Variants in CDK11A observed in about 807,000 individuals in gnomAD.
CDK11A encodes cyclin-dependent kinase 11A.
Under a neutral mutation model 83.6 loss-of-function variants are expected in CDK11A, and 55 were observed. That is an observed-to-expected ratio of 0.66 (90% CI 0.53 to 0.82). The LOEUF (loss-of-function observed/expected upper bound fraction) is 0.82. CDK11A is among the 40% of genes least tolerant of loss of function. The pLI is 0.00. For synonymous variants in CDK11A, 247 were observed against 302.7 expected (o/e 0.82, Z 1.91); for missense variants, 564 against 810.1 (o/e 0.70, Z 3.69).
Position 1,708,233 on chromosome 1 carries a change from T to C in CDK11A, c.1016A>G (p.Glu339Gly). Reference protein sequence around the residue: ...ASEQSAEEVSEEEMSEDEERE... With the variant: ...ASEQSAEEVSGEEMSEDEERE... ...TTCTTCATCTTCACTCATTTCTTCC[T>C]CACTTACTTCTTCTGCAAGAGAAAG... Residue 339 changes from glutamate to glycine, a missense_variant, in exon 10 of 20, where the codon GAG becomes GGG. Physicochemically the swap from Glu to Gly is moderately conservative, Grantham distance 98. Transcript: ENST00000404249. 8 of 1,548,888 alleles carry C rather than the reference T, an allele frequency of 5.2e-6. 1 individual carries two copies. In the South Asian group the frequency reaches 9.2e-5, roughly 18 times the overall value.
In CDK11A at chr1:1,716,569, T is replaced by A. The variant is rs983973069; in HGVS notation, c.356-91A>T. ...TGGCTTACGCCTGTAATCCCAGCAC[T>A]TTGGGAGGCCGAGGCGGGTGGATCA... On this transcript the variant is annotated intron_variant, in intron 4 of 19. Coordinates refer to ENST00000404249, the MANE Select transcript of CDK11A (RefSeq NM_024011.4). 87 of 1,385,156 alleles carry A rather than the reference T, an allele frequency of 6.3e-5. 1 individual carries two copies. The highest frequency in any genetic ancestry group is 9.6e-5 in the Admixed American group (5 of 52,086). The allele number at this position is 1,385,156 out of a possible 1,614,324, so 85.8% of individuals were successfully genotyped here. A position where few individuals can be genotyped will look rare whatever the true frequency, so the allele number is the denominator to read the frequency against.
intron 2 of CDK11A, among the ~76,000 whole-genome samples, chr1:1,722,049 G>A (rs1218964763): frequency 8.6e-5 from 13 of 150,968 alleles, no homozygotes; most frequent in African/African-American, 2.4e-4. Flanking sequence ...TACTCAGGAA[G>A]CTGAGGTAGG....
In CDK11A at chr1:1,703,817, G is replaced by A. The variant is rs1344124886; in HGVS notation, c.1911+7C>T. Reference sequence around the variant, plus strand: ...CCATAGCGCACCTGCGGCAGGGCCAGACCCACCTTGAACACTTTGTTGATC... The same window carrying A: ...CCATAGCGCACCTGCGGCAGGGCCAAACCCACCTTGAACACTTTGTTGATC... On this transcript the variant is annotated splice_region_variant and intron_variant, in intron 17 of 19. Coordinates refer to ENST00000404249, the MANE Select transcript of CDK11A (RefSeq NM_024011.4). 1.9e-6 allele frequency: 3 copies of A among 1,609,458 alleles called. No homozygotes were observed. Among genetic ancestry groups the A allele is most frequent in the East Asian group, 2.2e-5 (1 of 44,812 alleles).
At position 1,721,751 on chromosome 1, in the gene CDK11A, T is replaced by A. The variant is rs1570441941; in HGVS notation, c.112-40A>T. 6.1e-6 allele frequency: 9 copies of A among 1,470,730 alleles called. 1 individual carries two copies. The South Asian group carries it at 6.3e-5, about 10-fold the overall frequency. The allele number at this position is 1,470,730 out of a possible 1,614,324, so 91.1% of individuals were successfully genotyped here. Reference sequence around the variant, plus strand: ...GAAAGTTAATCATTTTCTTTATAAGTTTTTTTTTCTTCATAGATAAAAGTA... The same window carrying A: ...GAAAGTTAATCATTTTCTTTATAAGATTTTTTTTCTTCATAGATAAAAGTA... On this transcript the variant is annotated intron_variant, in intron 2 of 19. Transcript: ENST00000404249.
intron 4 of CDK11A, 122 bp downstream of exon 4, chr1:1,719,206 T>G: frequency 1.1e-6 from 1 of 882,474 alleles, no homozygotes; most frequent in Non-Finnish European, 1.6e-6. Context: ...GACACCATTA[T>G]GCTTTCAGCT....
chr1:1,704,438 C>G, intron 14 of CDK11A, 94 bp from the exon 15 acceptor site: 1 of 1,552,780 alleles, frequency 6.4e-7, no homozygotes, highest in South Asian at 1.2e-5. Flanking sequence ...AGAGGCTTCT[C>G]AGGGCTTTCC....
In CDK11A at chr1:1,708,855, TTCC is replaced by T. The variant is rs199942750; in HGVS notation, c.939_941del (p.Glu321del). 267 of 1,186,856 alleles carry T rather than the reference TTCC, an allele frequency of 2.2e-4. No individual in the cohort carries two copies. The highest frequency in any genetic ancestry group is 8.0e-4 in the African/African-American group (52 of 64,734). 73.5% of individuals were successfully genotyped at this position (1,186,856 alleles called of 1,614,324 possible). A position where few individuals can be genotyped will look rare whatever the true frequency, so the allele number is the denominator to read the frequency against. On this transcript the variant is annotated inframe_deletion, in exon 9 of 20. Transcript: ENST00000404249. Reference sequence around the variant, plus strand: ...CGGTCTCCTCCTCCTCCTCTTCCTCTTCCTCCTCCTCCTCCTCTGATTCTTCAC... The same window carrying T: ...CGGTCTCCTCCTCCTCCTCTTCCTCTTCCTCCTCCTCCTCTGATTCTTCAC...
At chr1:1,715,725 T>TGTG (rs1488585305) in intron 5 of CDK11A, among the ~76,000 whole-genome samples, 1,090 of 149,222 alleles carry the variant, frequency 7.3e-3, no homozygotes, top group African/African-American at 0.027. Flanking sequence ...GCAAGCTTTC[T>TGTG]GTGGACTCAC....
At chr1:1,719,144 G>T in intron 4 of CDK11A, 184 bp downstream of exon 4, 1 of 435,560 alleles carries the variant, frequency 2.3e-6, no homozygotes. Context: ...AATGGTCTGT[G>T]ACACATGCAT....
At chr1:1,705,139 G>A in intron 12 of CDK11A, 114 bp from the exon 13 acceptor site, 1 of 1,414,160 alleles carries the variant, frequency 7.1e-7, no homozygotes, top group Non-Finnish European at 9.3e-7. Flanking sequence ...TTTCACGGAG[G>A]GGGGTCTCGT....
At chr1:1,719,535 C>T (rs918092453) in intron 3 of CDK11A, 80 bp from the exon 4 acceptor site, 6 of 1,167,266 alleles carry the variant, frequency 5.1e-6, no homozygotes, top group African/African-American at 1.6e-5. Flanking sequence ...TTTTTTCAAC[C>T]CAGAAAAATG....
At chr1:1,707,368 G>A (rs775655891) in intron 11 of CDK11A, 41 bp downstream of exon 11, 13 of 1,595,876 alleles carry the variant, frequency 8.1e-6, no homozygotes, top group South Asian at 4.5e-5. Flanking sequence ...AACTCCGACT[G>A]CCAATGCGGA....
chr1:1,714,962 G>T (rs1570408930), intron 5 of CDK11A, among the ~76,000 whole-genome samples: 1 of 150,258 alleles, frequency 6.7e-6, no homozygotes, highest in East Asian at 2.0e-4. Context: ...GAGGATGCTG[G>T]TGGGCAAGGC....
chr1:1,704,995 A>G lies in CDK11A; in HGVS notation c.1367T>C (p.Met456Thr), dbSNP rs557274278. ...DEIVALKRLKMEKEKEGFPIT... is the reference protein window; with the variant it reads ...DEIVALKRLKTEKEKEGFPIT... ...CGGGAAGCCCTCCTTCTCCTTCTCC[A>G]TCTTCAGCCGCTTTAGAGCCACAAT... Residue 456 changes from methionine (M) to threonine (T), a missense_variant, in exon 13 of 20, where the codon ATG becomes ACG. Transcript: ENST00000404249. 1.9e-5 allele frequency: 30 copies of G among 1,597,938 alleles called. 1 individual carries two copies. The South Asian group carries it at 2.8e-4, about 15-fold the overall frequency.
chr1:1,721,934 G>A (rs1256236588), intron 2 of CDK11A: 15 of 471,678 alleles, frequency 3.2e-5, no homozygotes, highest in South Asian at 2.2e-4. Flanking sequence ...GGTGGATCAC[G>A]AGGTCAGGAC....
chr1:1,715,876 A>C (rs1478646415), intron 5 of CDK11A, among the ~76,000 whole-genome samples: 1 of 150,952 alleles, frequency 6.6e-6, no homozygotes. Flanking sequence ...AATGGCCAGG[A>C]GTCCTAGGAG....
Position 1,703,155 on chromosome 1 carries a change from G to A in CDK11A, c.2175C>T (p.Ala725=). ...GCTTCACACGCTGCTGCTCGCTCTT[G>A]GCGGGCCACGTGGGGAACATGGAGG... The part of the protein sequence containing the change: ...IDPSMFPTWP[A]KSEQQRVKRG... Residue 725 remains alanine, a synonymous_variant, in exon 19 of 20, where the codon GCC becomes GCT. Coordinates refer to ENST00000404249, the MANE Select transcript of CDK11A (RefSeq NM_024011.4). The A allele has an allele frequency of 2.4e-6, 1 of 411,980 alleles. No individual in the cohort carries two copies. Among genetic ancestry groups the A allele is most frequent in the Non-Finnish European group, 4.1e-6 (1 of 246,304 alleles). 25.5% of individuals were successfully genotyped at this position (411,980 alleles called of 1,614,324 possible). A position where few individuals can be genotyped will look rare whatever the true frequency, so the allele number is the denominator to read the frequency against.
chr1:1,716,019 C>G (rs1557793273), intron 5 of CDK11A, among the ~76,000 whole-genome samples: 1 of 150,822 alleles, frequency 6.6e-6, no homozygotes, highest in Non-Finnish European at 1.5e-5. Flanking sequence ...CTTGACCTCC[C>G]AGGCTCAAGG....
chr1:1,703,299 G>C (rs1394317607), intron 18 of CDK11A, 30 bp from the exon 19 acceptor site: 21 of 533,216 alleles, frequency 3.9e-5, no homozygotes, highest in Non-Finnish European at 5.9e-5. Context: ...GGCCCAGGAG[G>C]TGCTCGTGTG....
Sources: gnomAD v4.1 joint callset for allele counts (sites outside exome capture counted in the v4.1 genomes callset) on GRCh38, gnomAD v4.1.1 for gene constraint, MANE v1.5 for transcripts, NCBI Gene and HGNC (gene_info 2026-07-23, HGNC 2026-07-21) for gene names.